The following RICTOR variants were observed in gnomAD, a reference collection of about 807,000 sequenced individuals.
RICTOR encodes the protein RPTOR independent companion of MTOR complex 2.
RICTOR carries 49 observed loss-of-function variants against 214.9 expected under a neutral mutation model. The observed-to-expected ratio is 0.23, with a 90% CI of 0.18 to 0.29. The LOEUF (loss-of-function observed/expected upper bound fraction) is 0.29, where lower values mean the gene tolerates loss of function less well. Among genes scored for constraint, RICTOR ranks in the 10% least tolerant of loss-of-function variants. The pLI, the probability that RICTOR is intolerant of heterozygous loss-of-function variation, is 1.00. For synonymous variants in RICTOR, 717 were observed against 711.3 expected, an observed-to-expected ratio of 1.01 and a Z score of -0.13; for missense variants, 1,625 against 2,047.0, an observed-to-expected ratio of 0.79 and a Z score of 3.98.
chr5:39,028,853 G>A (rs1223130146), intron 2 of RICTOR, among the ~76,000 whole-genome samples: 1 of 152,150 alleles, frequency 6.6e-6, no homozygotes, highest in Non-Finnish European at 1.5e-5. Flanking sequence ...AGCTACGAAT[G>A]TGCCACTGCA....
intron 8 of RICTOR, 56 bp from the exon 9 acceptor site, chr5:38,978,706 G>A (rs2150055535): frequency 1.2e-6 from 1 of 819,886 alleles, no homozygotes; most frequent in Middle Eastern, 3.4e-4. Context: ...CATCCTTCCT[G>A]CATTTTATGG....
chr5:38,970,892 A>T (rs1750722774), intron 11 of RICTOR: 1 of 152,244 alleles, frequency 6.6e-6, no homozygotes, highest in Non-Finnish European at 1.5e-5. Context: ...AAATACATTT[A>T]CCTTTTGTTA....
chr5:39,018,765 A>G (rs1755161600), intron 3 of RICTOR, among the ~76,000 whole-genome samples: 1 of 152,158 alleles, frequency 6.6e-6, no homozygotes, highest in South Asian at 2.1e-4. Flanking sequence ...GGGCAAATTA[A>G]TAACACTACA....
chr5:38,949,511 T>C, intron 31 of RICTOR: 9 of 1,268,178 alleles, frequency 7.1e-6, no homozygotes, highest in South Asian at 1.4e-5. Flanking sequence ...TCAGGGCCTA[T>C]AGGATTTTCT....
In RICTOR at chr5:38,942,115, G is replaced by A. The variant is rs1387226136; in HGVS notation, c.*189C>T. 7.3e-6 allele frequency: 3 copies of A among 411,950 alleles called. 1 individual carries two copies. The highest frequency in any genetic ancestry group is 1.3e-5 in the Non-Finnish European group (3 of 225,540). 25.5% of individuals were successfully genotyped at this position (411,950 alleles called of 1,614,324 possible). On this transcript the variant is annotated 3_prime_UTR_variant, in exon 38 of 38. Transcript: ENST00000357387. Reference sequence around the variant, plus strand: ...TGAACCCCTCAAAAGGCTCAACAAAGGAGAGAAGGAAGTTGTTTTGGTTAG... The same window carrying A: ...TGAACCCCTCAAAAGGCTCAACAAAAGAGAGAAGGAAGTTGTTTTGGTTAG...
chr5:39,021,195 C>CAT, intron 2 of RICTOR, 59 bp from the exon 3 acceptor site: 1 of 918,994 alleles, frequency 1.1e-6, no homozygotes, highest in Non-Finnish European at 1.8e-6. Flanking sequence ...TGTTCAAACA[C>CAT]ATAAAACATG....
chr5:38,990,693 G>C (rs1359937483), intron 7 of RICTOR, among the ~76,000 whole-genome samples: 2 of 88,978 alleles, frequency 2.2e-5, no homozygotes, highest in Admixed American at 1.2e-4. Context: ...TCATATATAT[G>C]ATATATATCA....
intron 2 of RICTOR, among the ~76,000 whole-genome samples, chr5:39,050,413 T>G (rs911658523): frequency 6.6e-6 from 1 of 152,066 alleles, no homozygotes; most frequent in African/African-American, 2.4e-5. Flanking sequence ...CTCGGCTCAC[T>G]GTAACCTCCA....
chr5:39,009,149 G>C (rs62359820), intron 3 of RICTOR, among the ~76,000 whole-genome samples: 27,407 of 151,916 alleles, frequency 0.18, 2,691 homozygotes, highest in Middle Eastern at 0.23. Context: ...CCTTTAAAAG[G>C]TTGGTTTTTC....
chr5:38,993,755 C>T (rs1426839393), intron 6 of RICTOR, among the ~76,000 whole-genome samples: 1 of 151,978 alleles, frequency 6.6e-6, no homozygotes, highest in Non-Finnish European at 1.5e-5. Context: ...ATCCAAAAAT[C>T]CAAAATGCTC....
intron 11 of RICTOR, chr5:38,969,666 A>ATTTTTTT (rs145128587): frequency 7.9e-6 from 1 of 125,928 alleles, no homozygotes; most frequent in Non-Finnish European, 1.6e-5. Context: ...TGTATTTTTA[A>ATTTTTTT]TTTTTTTTTT....
intron 22 of RICTOR, 145 bp downstream of exon 22, chr5:38,959,050 T>C (rs951764237): frequency 3.0e-6 from 2 of 675,406 alleles, no homozygotes; most frequent in Admixed American, 3.5e-5. Flanking sequence ...GAGTACTATA[T>C]GCAGTTCCTT....
intron 15 of RICTOR, among the ~76,000 whole-genome samples, chr5:38,966,382 AACATTTCAGT>A (rs1750220557): frequency 6.6e-6 from 1 of 152,250 alleles, no homozygotes; most frequent in Non-Finnish European, 1.5e-5. Context: ...TGTAAAAATC[AACATTTCAGT>A]ACTTTGCATG....
chr5:38,949,517 T>C lies in RICTOR; in HGVS notation c.4136+195A>G, dbSNP rs1579878365. ...TGTTTATTTTCAGGGCCTATAGGAT[T>C]TTCTTCCCCCCTCGCAGCTGCAAGA... is the stretch of plus-strand genomic sequence containing the variant. On this transcript the variant is annotated intron_variant, in intron 31 of 37. Transcript: ENST00000357387. The C allele has an allele frequency of 3.2e-5, 40 of 1,239,300 alleles. No homozygotes were observed. In the East Asian group the frequency reaches 9.5e-4, roughly 29 times the overall value. 76.8% of individuals were successfully genotyped at this position (1,239,300 alleles called of 1,614,324 possible).
intron 2 of RICTOR, among the ~76,000 whole-genome samples, chr5:39,060,910 T>G (rs891146853): frequency 2.0e-5 from 3 of 152,032 alleles, no homozygotes; most frequent in African/African-American, 7.2e-5. Context: ...TCATAATACC[T>G]ATATGATCTT....
At chr5:38,958,409 A>G in intron 24 of RICTOR, 34 bp downstream of exon 24, 2 of 1,431,972 alleles carry the variant, frequency 1.4e-6, no homozygotes, top group Non-Finnish European at 2.0e-6. Flanking sequence ...GAACACAACA[A>G]AAAAACATAA....
chr5:39,028,615 T>C (rs1313769599), intron 2 of RICTOR, among the ~76,000 whole-genome samples: 1 of 152,190 alleles, frequency 6.6e-6, no homozygotes, highest in Non-Finnish European at 1.5e-5. Flanking sequence ...ACAAATATAC[T>C]TGTACAAGAA....
intron 35 of RICTOR, 81 bp from the exon 36 acceptor site, chr5:38,944,650 T>C: frequency 7.9e-7 from 1 of 1,270,268 alleles, no homozygotes; most frequent in Non-Finnish European, 1.1e-6. Context: ...ATTTTTAAAC[T>C]TCACCTAAAG....
Position 38,947,409 on chromosome 5 carries a change from T to A in RICTOR, c.4169A>T (p.Asp1390Val), listed in dbSNP as rs1748329092. 7 of 1,611,682 alleles carry A rather than the reference T, an allele frequency of 4.3e-6. No individual in the cohort carries two copies. Among genetic ancestry groups the A allele is most frequent in the East Asian group, 2.2e-5 (1 of 44,842 alleles). Residue 1390 changes from aspartate to valine, a missense_variant, in exon 32 of 38, where the codon GAT becomes GTT. Asp to Val is a radical substitution (Grantham distance 152). Transcript: ENST00000357387. ...AATAGGACTCAATAAATCTTCTTTA[T>A]CTAATGATGCATAACTTAAGGCTTT... ...FMKALSYASL[D>V]KEDLLSPINQ...
Sources: gnomAD v4.1 joint callset for allele counts (sites outside exome capture counted in the v4.1 genomes callset) on GRCh38, gnomAD v4.1.1 for gene constraint, MANE v1.5 for transcripts, NCBI Gene and HGNC (gene_info 2026-07-23, HGNC 2026-07-21) for gene names.